SGTA: variants seen among roughly 807,000 people sequenced by gnomAD.
SGTA encodes the protein small glutamine-rich tetratricopeptide repeat-containing protein alpha.
Under a neutral mutation model 44.3 loss-of-function variants are expected in SGTA, and 22 were observed. The observed-to-expected ratio is 0.50, with a 90% CI of 0.36 to 0.71. SGTA has a LOEUF of 0.71. SGTA is among the 30% of genes least tolerant of loss of function. The probability of loss-of-function intolerance (pLI) is 0.00; values close to 1 mark genes in which losing one functional copy is unlikely to be tolerated. For synonymous variants in SGTA, 174 were observed against 177.6 expected, an observed-to-expected ratio of 0.98 and a Z score of 0.16; for missense variants, 341 against 435.9, an observed-to-expected ratio of 0.78 and a Z score of 1.94.
Position 2,765,362 on chromosome 19 carries a change from G to A in SGTA, c.293-77C>T. ...GTGTCAGGGAGAGAGGAAAACACCGGCCTGGTGTCCACACAGACCCGAGGG... is the reference window on the plus strand; with the variant it reads ...GTGTCAGGGAGAGAGGAAAACACCGACCTGGTGTCCACACAGACCCGAGGG... On this transcript the variant is annotated intron_variant, in intron 4 of 11. Transcript: ENST00000221566. The surrounding 1 kb of genome is among the most constrained non-coding windows in gnomAD (Gnocchi z 5.5). The A allele has an allele frequency of 3.6e-6, 4 of 1,109,828 alleles. No homozygotes were observed. The highest frequency in any genetic ancestry group is 5.4e-6 in the Non-Finnish European group (4 of 745,834). The allele number at this position is 1,109,828 out of a possible 1,614,324, so 68.7% of individuals were successfully genotyped here. A position where few individuals can be genotyped will look rare whatever the true frequency, so the allele number is the denominator to read the frequency against.
chr19:2,765,842 G>A lies in SGTA; in HGVS notation c.293-557C>T, dbSNP rs1004200919. Among the ~76,000 whole-genome samples the A allele has an allele frequency of 5.9e-5, 9 of 151,278 alleles. No homozygotes were observed. The highest frequency in any genetic ancestry group is 2.2e-4 in the African/African-American group (9 of 40,946). ...GCCCCCGAGATCCCAATTCAGGAGG[G>A]CGTGGGGGGAAGATGGGTATCAGCG... On this transcript the variant is annotated intron_variant, in intron 4 of 11. Coordinates refer to ENST00000221566, the MANE Select transcript of SGTA (RefSeq NM_003021.4). This position sits in a 1 kb window ranked among gnomAD's most constrained non-coding sequence, Gnocchi z 5.5.
rs117242048 is a variant in SGTA at position 2,767,064 on chromosome 19, C to A, written c.292+72G>T. On this transcript the variant is annotated intron_variant, in intron 4 of 11. Coordinates refer to ENST00000221566, the MANE Select transcript of SGTA (RefSeq NM_003021.4). The surrounding 1 kb of genome is among the most constrained non-coding windows in gnomAD (Gnocchi z 7.3). ...CCCTGGGCCCCAGGGACCAGCTGGCCTCTGCGAGGGTCCCACAGCCCCGGA... is the reference window on the plus strand; with the variant it reads ...CCCTGGGCCCCAGGGACCAGCTGGCATCTGCGAGGGTCCCACAGCCCCGGA... 3.6e-4 allele frequency: 416 copies of A among 1,158,656 alleles called. 2 individuals carry two copies. The East Asian group carries it at 9.9e-3, about 28-fold the overall frequency. 71.8% of individuals were successfully genotyped at this position (1,158,656 alleles called of 1,614,324 possible). A position where few individuals can be genotyped will look rare whatever the true frequency, so the allele number is the denominator to read the frequency against.
At chr19:2,757,263 T>G in intron 11 of SGTA, 74 bp downstream of exon 11, 1 of 1,536,058 alleles carries the variant, frequency 6.5e-7, no homozygotes, top group Non-Finnish European at 8.8e-7. Flanking sequence ...TCCTGCTGGC[T>G]GCCCTCACTG....
At chr19:2,775,527 C>T (rs1006002687) in intron 1 of SGTA, among the ~76,000 whole-genome samples, 4 of 152,194 alleles carry the variant, frequency 2.6e-5, no homozygotes, top group Non-Finnish European at 5.9e-5. Flanking sequence ...AAAGCAACAT[C>T]CATCAGCAAT....
Position 2,755,289 on chromosome 19 carries a change from TG to T in SGTA, c.*650del. 1 of 453,860 alleles carries T rather than the reference TG, an allele frequency of 2.2e-6. No homozygotes were observed. Among genetic ancestry groups the T allele is most frequent in the Non-Finnish European group, 2.9e-6 (1 of 342,438 alleles). The allele number at this position is 453,860 out of a possible 1,614,324, so 28.1% of individuals were successfully genotyped here. A position where few individuals can be genotyped will look rare whatever the true frequency, so the allele number is the denominator to read the frequency against. On this transcript the variant is annotated 3_prime_UTR_variant, in exon 12 of 12. Coordinates refer to ENST00000221566, the MANE Select transcript of SGTA (RefSeq NM_003021.4). The surrounding 1 kb of genome is among the most constrained non-coding windows in gnomAD (Gnocchi z 5.2). ...AAACATGTCTGTCAACATGCCCAAC[TG>T]GAGAAAAGTCACAGAAACTGGTCCT...
intron 1 of SGTA, 47 bp from the exon 2 acceptor site, chr19:2,769,138 C>A (rs1284569017): frequency 2.5e-6 from 3 of 1,193,464 alleles, no homozygotes; most frequent in Non-Finnish European, 3.7e-6. Flanking sequence ...ACACTCCCCA[C>A]TCCAGGCACC....
chr19:2,757,142 G>A (rs1914841536), intron 11 of SGTA, among the ~76,000 whole-genome samples, 195 bp downstream of exon 11: 1 of 152,202 alleles, frequency 6.6e-6, no homozygotes, highest in Admixed American at 6.5e-5. Context: ...GGGGCCCAAT[G>A]CCCAGAGATG....
rs1011505216 is a variant in SGTA at position 2,765,091 on chromosome 19, G to T, written c.392+95C>A. 1.1e-5 allele frequency: 9 copies of T among 825,766 alleles called. No individual in the cohort carries two copies. Among genetic ancestry groups the T allele is most frequent in the Non-Finnish European group, 1.9e-5 (9 of 484,102 alleles). The allele number at this position is 825,766 out of a possible 1,614,324, so 51.2% of individuals were successfully genotyped here. ...GGTGAATGGATCCCTCATCTACAGC[G>T]CAGAGGCCTCTCCCATCTCAGGTCC... On this transcript the variant is annotated intron_variant, in intron 5 of 11. Coordinates refer to ENST00000221566, the MANE Select transcript of SGTA (RefSeq NM_003021.4). The surrounding 1 kb of genome is among the most constrained non-coding windows in gnomAD (Gnocchi z 5.5).
intron 1 of SGTA, among the ~76,000 whole-genome samples, chr19:2,774,489 TTTTAAC>T (rs1306392653): frequency 1.3e-5 from 2 of 152,164 alleles, no homozygotes; most frequent in African/African-American, 4.8e-5. Context: ...CAAATGTCCA[TTTTAAC>T]TTTAAGTGCA....
At chr19:2,766,915 C>T (rs1048830045) in intron 4 of SGTA, among the ~76,000 whole-genome samples, 1 of 152,020 alleles carries the variant, frequency 6.6e-6, no homozygotes, top group South Asian at 2.1e-4. Context: ...TCCCGACAAC[C>T]CCACCAGCCG....
intron 1 of SGTA, among the ~76,000 whole-genome samples, chr19:2,774,544 G>T (rs924442747): frequency 1.3e-5 from 2 of 152,118 alleles, no homozygotes; most frequent in Non-Finnish European, 2.9e-5. Context: ...GTTAACACCC[G>T]TGCACGCGTA....
chr19:2,762,385 C>A (rs892223959), intron 7 of SGTA, 121 bp downstream of exon 7: 1 of 999,446 alleles, frequency 1.0e-6, no homozygotes, highest in Non-Finnish European at 1.5e-6. Flanking sequence ...CCAACTGAAA[C>A]AAACCCCGGA....
At chr19:2,773,266 G>A (rs1915359041) in intron 1 of SGTA, among the ~76,000 whole-genome samples, 1 of 23,536 alleles carries the variant, frequency 4.2e-5, no homozygotes, top group Non-Finnish European at 6.2e-5. Flanking sequence ...GATGGGTGAC[G>A]CGGCCACAGG....
In SGTA at chr19:2,763,509, C is replaced by T. The variant is rs545504411; in HGVS notation, c.497+144G>A. 1.2e-4 allele frequency: 70 copies of T among 596,174 alleles called. No individual in the cohort carries two copies. The highest frequency in any genetic ancestry group is 7.6e-4 in the Middle Eastern group (2 of 2,648). The allele number at this position is 596,174 out of a possible 1,614,324, so 36.9% of individuals were successfully genotyped here. On this transcript the variant is annotated intron_variant, in intron 6 of 11. Transcript: ENST00000221566. This position sits in a 1 kb window ranked among gnomAD's most constrained non-coding sequence, Gnocchi z 5.8. ...TGACCTGTAGGGACTACGTTGGCTC[C>T]GAACAGCTAGTGTCAGAGTTGAACT...
At chr19:2,771,111 G>A (rs1429196044) in intron 1 of SGTA, among the ~76,000 whole-genome samples, 4 of 152,228 alleles carry the variant, frequency 2.6e-5, no homozygotes, top group Admixed American at 1.3e-4. Flanking sequence ...AGCGCTTGGC[G>A]CCCTGCGATA....
intron 10 of SGTA, 107 bp downstream of exon 10, chr19:2,757,586 C>G: frequency 6.9e-7 from 1 of 1,454,622 alleles, no homozygotes; most frequent in Non-Finnish European, 9.2e-7. Context: ...GGACGCTGGG[C>G]CCTTCGGAGC....
chr19:2,767,915 C>T lies in SGTA; in HGVS notation c.101-229G>A, dbSNP rs1404364178. ...CCGTGCCCCTGAGAGCAGCAGAGGC[C>T]GTGGGCAGAGTGGAGCCCAGGTGGT... is the stretch of plus-strand genomic sequence containing the variant. On this transcript the variant is annotated intron_variant, in intron 2 of 11. Transcript: ENST00000221566. The surrounding 1 kb of genome is among the most constrained non-coding windows in gnomAD (Gnocchi z 7.3). Among the ~76,000 whole-genome samples, 1 of 152,132 alleles carries T rather than the reference C, an allele frequency of 6.6e-6. No homozygotes were observed. Among genetic ancestry groups the T allele is most frequent in the African/African-American group, 2.4e-5 (1 of 41,418 alleles).
chr19:2,778,505 C>T (rs1249977556), intron 1 of SGTA, among the ~76,000 whole-genome samples: 1 of 152,016 alleles, frequency 6.6e-6, no homozygotes, highest in Non-Finnish European at 1.5e-5. Context: ...CCGCCCCCCC[C>T]GGCCCCCGCC....
At chr19:2,764,620 T>C (rs2144726440) in intron 5 of SGTA, among the ~76,000 whole-genome samples, 1 of 152,266 alleles carries the variant, frequency 6.6e-6, no homozygotes, top group East Asian at 1.9e-4. Flanking sequence ...TCACCCAAGA[T>C]GGAGGGCAGT....
Sources: allele counts gnomAD v4.1 joint callset (sites outside exome capture counted in the v4.1 genomes callset), GRCh38; gene constraint gnomAD v4.1.1; non-coding constraint Gnocchi (gnomAD v3.1); transcripts MANE v1.5; gene names NCBI Gene and HGNC (gene_info 2026-07-23, HGNC 2026-07-21).